Variants in CARS2 observed in about 807,000 individuals in gnomAD.
CARS2 encodes the protein cysteinyl-tRNA synthetase 2, mitochondrial.
A neutral mutation model predicts 68.8 loss-of-function variants in CARS2; 52 were observed. The ratio of observed to expected loss-of-function variants is 0.76; its 90% CI spans 0.61 to 0.95. The LOEUF is 0.95. CARS2 is among the 40% of genes least tolerant of loss of function. The pLI is 0.00. For synonymous variants in CARS2, 314 were observed against 303.6 expected, an observed-to-expected ratio of 1.03 and a Z score of -0.36; for missense variants, 780 against 754.2, an observed-to-expected ratio of 1.03 and a Z score of -0.40.
At chr13:110,646,461 CG>C (rs1163218133) in intron 11 of CARS2, 1 of 172,112 alleles carries the variant, frequency 5.8e-6, no homozygotes, top group Non-Finnish European at 1.2e-5. Flanking sequence ...AGGCCCAGCC[CG>C]GGGCTCCCGG....
rs143404587 is a variant in CARS2 at position 110,653,361 on chromosome 13, C to T, written c.988-2261G>A. Reference sequence around the variant, plus strand: ...AATATTACTCCTGGGTCCTCTAATTCGCAACTCGCAGGCTTACTTGACACC... The same window carrying T: ...AATATTACTCCTGGGTCCTCTAATTTGCAACTCGCAGGCTTACTTGACACC... On this transcript the variant is annotated intron_variant, in intron 9 of 14. Transcript: ENST00000257347. The surrounding 1 kb of genome is among the most constrained non-coding windows in gnomAD (Gnocchi z 5.6). Among the ~76,000 whole-genome samples, 124 of 152,286 alleles carry T rather than the reference C, an allele frequency of 8.1e-4. No homozygotes were observed. The highest frequency in any genetic ancestry group is 2.4e-3 in the African/African-American group (100 of 41,558).
At chr13:110,689,644 A>G (rs778712982) in intron 3 of CARS2, among the ~76,000 whole-genome samples, 3 of 152,198 alleles carry the variant, frequency 2.0e-5, no homozygotes, top group Non-Finnish European at 4.4e-5. Context: ...TGCTAGAAGA[A>G]CCACTGTGTA....
At chr13:110,673,641 T>G (rs977183412) in intron 7 of CARS2, among the ~76,000 whole-genome samples, 11 of 152,148 alleles carry the variant, frequency 7.2e-5, no homozygotes, top group African/African-American at 4.8e-5. Flanking sequence ...GCATTCCCTT[T>G]GAAAACTGGC....
intron 2 of CARS2, 49 bp from the exon 3 acceptor site, chr13:110,701,604 T>C: frequency 1.2e-6 from 1 of 857,490 alleles, no homozygotes. Flanking sequence ...AAGTCATCAG[T>C]TATCTTTGTA....
intron 3 of CARS2, among the ~76,000 whole-genome samples, chr13:110,698,600 A>G (rs1386232255): frequency 6.6e-6 from 1 of 152,022 alleles, no homozygotes; most frequent in African/African-American, 2.4e-5. Flanking sequence ...CCCCTCCAAA[A>G]CTCATGTTGA....
chr13:110,654,942 GAAAAA>G (rs1555345847), intron 9 of CARS2, among the ~76,000 whole-genome samples: 1 of 99,702 alleles, frequency 1.0e-5, no homozygotes, highest in Non-Finnish European at 1.9e-5. Flanking sequence ...AAAAGAAAAA[GAAAAA>G]AAAAGAAAAA....
At chr13:110,658,362 G>T (rs762780041) in intron 9 of CARS2, among the ~76,000 whole-genome samples, 2 of 152,140 alleles carry the variant, frequency 1.3e-5, no homozygotes, top group Non-Finnish European at 2.9e-5. Flanking sequence ...TGTTGCCAAG[G>T]CCTGGGGAAA....
chr13:110,682,374 G>A (rs1364164176), intron 6 of CARS2, among the ~76,000 whole-genome samples: 2 of 152,200 alleles, frequency 1.3e-5, no homozygotes, highest in Admixed American at 6.5e-5. Context: ...AGCGGGACAG[G>A]GCACCACGGC....
At chr13:110,649,452 CAG>C (rs1198680171) in intron 10 of CARS2, among the ~76,000 whole-genome samples, 1 of 138,626 alleles carries the variant, frequency 7.2e-6, no homozygotes, top group Non-Finnish European at 1.5e-5. Context: ...AGGCACAGCA[CAG>C]GGGAGGGAGA....
rs527947276 is a variant in CARS2 at position 110,701,032 on chromosome 13, G to T, written c.393+406C>A. On this transcript the variant is annotated intron_variant, in intron 3 of 14. Coordinates refer to ENST00000257347, the MANE Select transcript of CARS2 (RefSeq NM_024537.4). ...GCCACACATGGACAATAAGATGTGA[G>T]AACTACTTGTAAAATGCAAACAAGA... 7.2e-5 allele frequency among the ~76,000 whole-genome samples: 11 copies of T among 152,300 alleles called. No individual in the cohort carries two copies. The South Asian group carries it at 2.3e-3, about 32-fold the overall frequency.
In CARS2 at chr13:110,647,105, C is replaced by A; in HGVS notation, c.1189G>T (p.Glu397Ter). ...GGTGCTAGGCGGGCCTCTTACCTCT[C>A]CCACAGCATCGCTTCCCTGACGGAG... ...CGSVREAMLWERLSSTKRAVK... is the reference protein window; with the variant it reads ...CGSVREAMLW The change falls in exon 11 of 15, where the codon GAG (glutamate) becomes TAG (stop). Residue 397 changes from glutamate (E) to a stop codon, truncating the protein, a stop_gained. Transcript: ENST00000257347. LOFTEE classifies it high-confidence loss of function. The A allele has an allele frequency of 1.9e-6, 3 of 1,584,172 alleles. No homozygotes were observed. Among genetic ancestry groups the A allele is most frequent in the Non-Finnish European group, 2.6e-6 (3 of 1,165,740 alleles).
At chr13:110,673,589 A>T (rs183478743) in intron 7 of CARS2, among the ~76,000 whole-genome samples, 56 of 152,304 alleles carry the variant, frequency 3.7e-4, no homozygotes, top group African/African-American at 1.1e-3. Flanking sequence ...TATTTATGAC[A>T]AACCCACAGC....
At chr13:110,706,252 G>T (rs2063956965), upstream of CARS2, 2 of 442,128 alleles carry the variant, frequency 4.5e-6, no homozygotes, top group South Asian at 2.1e-4. Flanking sequence ...CTTTGGCCTG[G>T]CTCGAGTCGC....
intron 5 of CARS2, among the ~76,000 whole-genome samples, chr13:110,686,004 AAAAGAG>A (rs2063292253): frequency 2.0e-5 from 3 of 150,276 alleles, no homozygotes; most frequent in African/African-American, 7.4e-5. Context: ...AAAAAAAAAA[AAAAGAG>A]AAAAAAAGAA....
chr13:110,642,214 A>C (rs1887435206), intron 14 of CARS2, 101 bp downstream of exon 14: 1 of 929,316 alleles, frequency 1.1e-6, no homozygotes. Flanking sequence ...TCTCAAAAAA[A>C]AAGCATGGTC....
intron 5 of CARS2, among the ~76,000 whole-genome samples, chr13:110,685,444 G>A (rs765312987): frequency 1.3e-5 from 2 of 152,216 alleles, no homozygotes; most frequent in Admixed American, 6.5e-5. Flanking sequence ...CTCCAAGTAG[G>A]ACCCAGGAAG....
chr13:110,698,449 T>C (rs1038292950), intron 3 of CARS2, among the ~76,000 whole-genome samples: 6 of 150,768 alleles, frequency 4.0e-5, no homozygotes, highest in Non-Finnish European at 8.9e-5. Context: ...GACCCCGGGA[T>C]GTGGAGGTTG....
intron 3 of CARS2, among the ~76,000 whole-genome samples, chr13:110,691,503 C>G (rs900256516): frequency 1.3e-5 from 2 of 152,114 alleles, no homozygotes; most frequent in African/African-American, 4.8e-5. Context: ...CTTACAAAGC[C>G]TCCCCAGTAT....
intron 7 of CARS2, among the ~76,000 whole-genome samples, chr13:110,675,945 C>T (rs1285854799): frequency 6.6e-6 from 1 of 152,166 alleles, no homozygotes; most frequent in Non-Finnish European, 1.5e-5. Flanking sequence ...TACCTGAGGT[C>T]AGGAGATCGA....
Sources: gnomAD v4.1 joint callset for allele counts (sites outside exome capture counted in the v4.1 genomes callset) on GRCh38, gnomAD v4.1.1 for gene constraint, Gnocchi (gnomAD v3.1) non-coding constraint, MANE v1.5 for transcripts, NCBI Gene and HGNC (gene_info 2026-07-23, HGNC 2026-07-21) for gene names.